Variants in RALGDS observed in about 807,000 individuals in gnomAD.
The protein encoded by RALGDS is ral guanine nucleotide exchange factor.
RALGDS carries 44 observed loss-of-function variants against 99.8 expected under a neutral mutation model. The observed-to-expected ratio is 0.44, with a 90% CI of 0.35 to 0.57. The LOEUF is 0.57. Ranked by LOEUF, RALGDS falls within the 20% of genes least tolerant of loss-of-function variation. The pLI is 0.01. For missense variants in RALGDS, 1,022 were observed against 1,203.1 expected, an observed-to-expected ratio of 0.85 and a Z score of 2.23; for synonymous variants, 529 against 505.0, an observed-to-expected ratio of 1.05 and a Z score of -0.64.
intron 1 of RALGDS, among the ~76,000 whole-genome samples, chr9:133,120,428 A>ACCCCCCCCCCCCCCCCCGCCC (rs71378548): frequency 1.7e-5 from 1 of 59,994 alleles, no homozygotes; most frequent in Non-Finnish European, 3.4e-5. Flanking sequence ...CCATCCCCCG[A>ACCCCCCCCCCCCCCCCCGCCC]CCCCCCCCCC....
chr9:133,111,966 TG>T, intron 2 of RALGDS, 75 bp downstream of exon 2: 1 of 1,107,584 alleles, frequency 9.0e-7, no homozygotes. Flanking sequence ...GGATCAGAAC[TG>T]GGGGCCCTCA....
intron 11 of RALGDS, 112 bp from the exon 12 acceptor site, chr9:133,103,374 C>T: frequency 1.5e-6 from 2 of 1,370,532 alleles, no homozygotes; most frequent in Non-Finnish European, 2.1e-6. Context: ...GCACGCACAC[C>T]CCTGGATTGA....
At chr9:133,134,382 C>T (rs939144798), upstream of RALGDS, among the ~76,000 whole-genome samples, 6 of 152,220 alleles carry the variant, frequency 3.9e-5, no homozygotes, top group South Asian at 4.1e-4. Context: ...CCTAGTCTGG[C>T]GCCGCCTTTA....
chr9:133,118,805 C>A (rs1039927538), intron 1 of RALGDS, among the ~76,000 whole-genome samples: 2 of 152,322 alleles, frequency 1.3e-5, no homozygotes, highest in Middle Eastern at 3.4e-3. Context: ...AGAACACAGC[C>A]CATGCTTAAA....
intron 3 of RALGDS, 133 bp from the exon 4 acceptor site, chr9:133,109,854 T>A: frequency 1.4e-6 from 1 of 724,278 alleles, no homozygotes; most frequent in Middle Eastern, 2.5e-4. Flanking sequence ...ACACAGTAGG[T>A]GCTTCATATA....
chr9:133,120,023 C>T (rs898356617), intron 1 of RALGDS, among the ~76,000 whole-genome samples: 9 of 152,232 alleles, frequency 5.9e-5, no homozygotes, highest in Non-Finnish European at 1.3e-4. Context: ...AAGGCTGCAG[C>T]CCAGCCAAAG....
At chr9:133,132,231 G>A (rs79716806), upstream of RALGDS, among the ~76,000 whole-genome samples, 4,947 of 152,324 alleles carry the variant, frequency 0.032, 257 homozygotes, top group African/African-American at 0.11. Context: ...GGGGACCAGC[G>A]AAGAGGTCAC....
chr9:133,103,416 T>C (rs1830856548), intron 11 of RALGDS, among the ~76,000 whole-genome samples, 154 bp from the exon 12 acceptor site: 1 of 151,954 alleles, frequency 6.6e-6, no homozygotes. Flanking sequence ...CAAGGGGACA[T>C]GCGGGCAGAG....
intron 1 of RALGDS, among the ~76,000 whole-genome samples, chr9:133,138,717 C>T (rs1431855337): frequency 1.3e-5 from 2 of 152,210 alleles, no homozygotes; most frequent in Admixed American, 6.5e-5. Context: ...TCGCTGCAAC[C>T]TCTGCCTCCC....
chr9:133,131,599 G>A (rs1832335762), upstream of RALGDS, among the ~76,000 whole-genome samples: 1 of 152,078 alleles, frequency 6.6e-6, no homozygotes, highest in South Asian at 2.1e-4. Context: ...CCCTGCCCCA[G>A]CCACCCATTC....
rs143373682 is a variant in RALGDS, at chr9:133,102,841, G to T, written c.1851C>A (p.Ile617=). The part of the protein sequence containing the change: ...LLQSACNNYS[I]APDEQFGAWF... ...AGGCCCCAAATTGCTCATCTGGCGC[G>T]ATGCTGTAGTTGTTGCAGGCCGACT... Residue 617 remains isoleucine, a synonymous_variant, in exon 13 of 18, where the codon ATC becomes ATA. Coordinates refer to ENST00000372050, the MANE Select transcript of RALGDS (RefSeq NM_006266.4). 6.2e-7 allele frequency: 1 copy of T among 1,613,536 alleles called. No homozygotes were observed. The highest frequency in any genetic ancestry group is 1.3e-5 in the African/African-American group (1 of 74,946).
upstream of RALGDS, among the ~76,000 whole-genome samples, chr9:133,121,740 TCAAA>T (rs1045022420): frequency 2.0e-5 from 3 of 152,204 alleles, no homozygotes; most frequent in African/African-American, 7.2e-5. Context: ...AATGACTTCC[TCAAA>T]CAGTTGCGGG....
At chr9:133,103,462 A>G (rs1016032003) in intron 11 of RALGDS, among the ~76,000 whole-genome samples, 200 bp from the exon 12 acceptor site, 1 of 152,154 alleles carries the variant, frequency 6.6e-6, no homozygotes, top group Non-Finnish European at 1.5e-5. Context: ...CTCGGAGGAC[A>G]ATGGACTGAG....
intron 1 of RALGDS, chr9:133,129,236 G>A: frequency 6.3e-7 from 1 of 1,597,304 alleles, no homozygotes; most frequent in Non-Finnish European, 8.5e-7. Context: ...GGTCACCACA[G>A]AGACACAGGC....
chr9:133,108,483 C>A, intron 5 of RALGDS, 77 bp from the exon 6 acceptor site: 3 of 1,459,654 alleles, frequency 2.1e-6, no homozygotes, highest in Non-Finnish European at 2.8e-6. Context: ...CCCCGGCTTC[C>A]AGAGAAGCCT....
chr9:133,139,080 T>G (rs943102592), intron 1 of RALGDS, among the ~76,000 whole-genome samples: 19 of 152,154 alleles, frequency 1.2e-4, no homozygotes, highest in Non-Finnish European at 2.4e-4. Context: ...CCTCAGCCAC[T>G]GTCAAGCTTG....
rs1830832629 is a variant in RALGDS, at chr9:133,102,959, G to C, written c.1792-59C>G. 3.1e-6 allele frequency: 5 copies of C among 1,602,290 alleles called. No homozygotes were observed. The South Asian group carries it at 4.5e-5, about 14-fold the overall frequency. Reference sequence around the variant, plus strand: ...GGCCCCCCGGGCAGCACAGGGGCCAGTCTCTGGGTCTTTGTTCTTGGGGTC... The same window carrying C: ...GGCCCCCCGGGCAGCACAGGGGCCACTCTCTGGGTCTTTGTTCTTGGGGTC... On this transcript the variant is annotated intron_variant, in intron 12 of 17. Coordinates refer to ENST00000372050, the MANE Select transcript of RALGDS (RefSeq NM_006266.4).
intron 17 of RALGDS, chr9:133,099,924 C>T: frequency 2.8e-6 from 1 of 359,212 alleles, no homozygotes. Flanking sequence ...CCACAGCTGT[C>T]ACCATTCTTT....
In RALGDS at chr9:133,118,016, G is replaced by A. The variant is rs898751766; in HGVS notation, c.183+2956C>T. On this transcript the variant is annotated intron_variant, in intron 1 of 17. Coordinates refer to ENST00000372050, the MANE Select transcript of RALGDS (RefSeq NM_006266.4). ...TCCCAGGGCCATTCCTGAGCCTCCCGGGAAACAGGCCAGCATGCCTGAGCA... is the reference window on the plus strand; with the variant it reads ...TCCCAGGGCCATTCCTGAGCCTCCCAGGAAACAGGCCAGCATGCCTGAGCA... Among the ~76,000 whole-genome samples, 9 of 152,290 alleles carry A rather than the reference G, an allele frequency of 5.9e-5. No homozygotes were observed. The South Asian group carries it at 6.2e-4, about 11-fold the overall frequency.
Sources: gnomAD v4.1 joint callset for allele counts (sites outside exome capture counted in the v4.1 genomes callset) on GRCh38, gnomAD v4.1.1 for gene constraint, MANE v1.5 for transcripts, NCBI Gene and HGNC (gene_info 2026-07-23, HGNC 2026-07-21) for gene names.